Variants in SNX13 observed in about 807,000 individuals in gnomAD.
The protein encoded by SNX13 is sorting nexin-13.
In SNX13, 45 loss-of-function variants were observed where a neutral mutation model predicts 133.6. That is an observed-to-expected ratio of 0.34 (90% CI 0.27 to 0.43). SNX13 has a LOEUF of 0.43. Ranked by LOEUF, SNX13 falls within the 20% of genes least tolerant of loss-of-function variation. The probability of loss-of-function intolerance (pLI) is 1.00; values close to 1 mark genes in which losing one functional copy is unlikely to be tolerated. For synonymous variants in SNX13, 414 were observed against 373.9 expected (o/e 1.11, Z -1.24); for missense variants, 1,032 against 1,145.1 (o/e 0.90, Z 1.43).
chr7:17,805,222 T>TGTGTGTGTGC (rs1785068172), intron 20 of SNX13, among the ~76,000 whole-genome samples: 1 of 101,678 alleles, frequency 9.8e-6, no homozygotes, highest in African/African-American at 3.4e-5. Context: ...TGTGTGTGTG[T>TGTGTGTGTGC]GTGTGTGTGT....
At chr7:17,921,521 C>G (rs979686734) in intron 1 of SNX13, among the ~76,000 whole-genome samples, 1 of 152,188 alleles carries the variant, frequency 6.6e-6, no homozygotes. Context: ...CTCTCTCAAA[C>G]AAAGGCTGCT....
At chr7:17,908,371 T>C (rs1229369653) in intron 1 of SNX13, among the ~76,000 whole-genome samples, 2 of 152,212 alleles carry the variant, frequency 1.3e-5, no homozygotes, top group Non-Finnish European at 2.9e-5. Flanking sequence ...AGAAAGATTC[T>C]AAAATACTTG....
Position 17,794,033 on chromosome 7 carries a change from T to C in SNX13, c.*12A>G, listed in dbSNP as rs374059307. On this transcript the variant is annotated 3_prime_UTR_variant, in exon 26 of 26. Transcript: ENST00000428135. ...CTGGACAAAATGAACACCAGCTTCA[T>C]AGAGTGGAGTGTCACCTTTTCTGCA... is the stretch of plus-strand genomic sequence containing the variant. The C allele has an allele frequency of 4.8e-5, 77 of 1,609,530 alleles. No homozygotes were observed. The highest frequency in any genetic ancestry group is 1.7e-4 in the Middle Eastern group (1 of 6,050).
intron 1 of SNX13, chr7:17,900,317 A>G (rs905195142): frequency 6.6e-6 from 1 of 152,390 alleles, no homozygotes; most frequent in African/African-American, 2.4e-5. Context: ...TGGCCTGGCC[A>G]CTGCCTATGT....
At position 17,842,267 on chromosome 7, in the gene SNX13, T is replaced by C. The variant is rs565602491; in HGVS notation, c.1166-2267A>G. Among the ~76,000 whole-genome samples the C allele has an allele frequency of 1.1e-3, 169 of 152,186 alleles. 1 individual carries two copies. Among genetic ancestry groups the C allele is most frequent in the African/African-American group, 3.4e-3 (142 of 41,544 alleles). ...AAATATCCAAAAGATTATCAGCAGA[T>C]TTCTTTCAAGAAACTTTGGAGGCTA... On this transcript the variant is annotated intron_variant, in intron 12 of 25. Coordinates refer to ENST00000428135, the MANE Select transcript of SNX13 (RefSeq NM_015132.5).
At chr7:17,927,503 G>C (rs778603447) in intron 1 of SNX13, among the ~76,000 whole-genome samples, 1 of 152,064 alleles carries the variant, frequency 6.6e-6, no homozygotes, top group Admixed American at 6.6e-5. Context: ...TCAGCCTCCT[G>C]AAGTACTGGG....
At chr7:17,814,360 C>T (rs2723494) in intron 20 of SNX13, among the ~76,000 whole-genome samples, 92,093 of 151,940 alleles carry the variant, frequency 0.61, 29,246 homozygotes, top group African/African-American at 0.79. Flanking sequence ...AATTTAAGCA[C>T]TTATTTACTG....
chr7:17,848,865 C>G (rs1171523561), intron 11 of SNX13, among the ~76,000 whole-genome samples: 1 of 152,152 alleles, frequency 6.6e-6, no homozygotes, highest in African/African-American at 2.4e-5. Flanking sequence ...AGGGAAGTAC[C>G]CTGCTTCAAT....
chr7:17,814,951 A>AT lies in SNX13; in HGVS notation c.1954-8_1954-7insA. On this transcript the variant is annotated splice_polypyrimidine_tract_variant and splice_region_variant and intron_variant, in intron 19 of 25. Coordinates refer to ENST00000428135, the MANE Select transcript of SNX13 (RefSeq NM_015132.5). ...TTTCAGGAGCTAACAGTAACTAACA[A>AT]GAAAAAAAAAAAAAAGAAGAGATTA... 1.4e-6 allele frequency: 2 copies of AT among 1,399,348 alleles called. No individual in the cohort carries two copies. The highest frequency in any genetic ancestry group is 1.8e-6 in the Non-Finnish European group (2 of 1,091,110). 86.7% of individuals were successfully genotyped at this position (1,399,348 alleles called of 1,614,324 possible).
intron 13 of SNX13, among the ~76,000 whole-genome samples, chr7:17,836,343 C>T (rs1330588704): frequency 6.6e-6 from 1 of 151,964 alleles, no homozygotes; most frequent in African/African-American, 2.4e-5. Context: ...ATGGCAAAAT[C>T]CCTGTCTCTT....
chr7:17,868,618 G>A, intron 8 of SNX13, 128 bp from the exon 9 acceptor site: 1 of 641,662 alleles, frequency 1.6e-6, no homozygotes, highest in East Asian at 2.9e-5. Flanking sequence ...GACTTGATAA[G>A]CAACACAGTC....
intron 11 of SNX13, among the ~76,000 whole-genome samples, chr7:17,848,874 A>G (rs970411034): frequency 2.0e-5 from 3 of 152,210 alleles, no homozygotes; most frequent in Admixed American, 1.3e-4. Flanking sequence ...CCCTGCTTCA[A>G]TATCACATGC....
chr7:17,834,956 A>C, intron 13 of SNX13, 91 bp from the exon 14 acceptor site: 1 of 740,162 alleles, frequency 1.4e-6, no homozygotes, highest in East Asian at 2.9e-5. Context: ...CATATTATTG[A>C]AAATAACTGG....
intron 9 of SNX13, among the ~76,000 whole-genome samples, chr7:17,867,371 C>T (rs1326818111): frequency 6.6e-6 from 1 of 152,148 alleles, no homozygotes; most frequent in East Asian, 1.9e-4. Flanking sequence ...CTTCGGGAGG[C>T]TGAGGCAGGC....
At position 17,792,426 on chromosome 7, in the gene SNX13, T is replaced by C. The variant is rs773062655; in HGVS notation, c.*1619A>G. On this transcript the variant is annotated 3_prime_UTR_variant, in exon 26 of 26. Transcript: ENST00000428135. ...GCTGAATATATGCATACTATAAGTA[T>C]GCACAACAGCATTATTAATAAATAT... 4 of 152,478 alleles carry C rather than the reference T, an allele frequency of 2.6e-5. No individual in the cohort carries two copies. The highest frequency in any genetic ancestry group is 4.4e-5 in the Non-Finnish European group (3 of 67,938). The allele number at this position is 152,478 out of a possible 1,614,324, so 9.4% of individuals were successfully genotyped here.
chr7:17,875,359 G>C (rs1481112635), intron 7 of SNX13, 121 bp downstream of exon 7: 10 of 662,414 alleles, frequency 1.5e-5, no homozygotes, highest in Admixed American at 3.1e-5. Flanking sequence ...AAAATGAATA[G>C]CATCTTTACT....
At chr7:17,831,608 T>C in intron 15 of SNX13, 1 of 984,150 alleles carries the variant, frequency 1.0e-6, no homozygotes, top group Non-Finnish European at 1.2e-6. Context: ...TGATATGACT[T>C]GGTCCTTTAA....
intron 18 of SNX13, among the ~76,000 whole-genome samples, chr7:17,819,177 A>G (rs1438982000): frequency 6.6e-6 from 1 of 152,224 alleles, no homozygotes; most frequent in African/African-American, 2.4e-5. Flanking sequence ...AAAATATCAA[A>G]TAAGATTATT....
chr7:17,906,684 G>C (rs1235869984), intron 1 of SNX13, among the ~76,000 whole-genome samples: 1 of 152,174 alleles, frequency 6.6e-6, no homozygotes, highest in African/African-American at 2.4e-5. Flanking sequence ...TTAACTGTAA[G>C]ATCTAATTGT....
Sources: gnomAD v4.1 joint callset for allele counts (sites outside exome capture counted in the v4.1 genomes callset) on GRCh38, gnomAD v4.1.1 for gene constraint, MANE v1.5 for transcripts, NCBI Gene and HGNC (gene_info 2026-07-23, HGNC 2026-07-21) for gene names.